The following PPP3CC variants were observed in gnomAD, a reference collection of about 807,000 sequenced individuals.
The protein encoded by PPP3CC is protein phosphatase 3 catalytic subunit gamma.
Under a neutral mutation model 60.3 loss-of-function variants are expected in PPP3CC, and 35 were observed. The ratio of observed to expected loss-of-function variants is 0.58; its 90% CI spans 0.44 to 0.77. PPP3CC has a LOEUF of 0.77. Among genes scored for constraint, PPP3CC ranks in the 30% least tolerant of loss-of-function variants. The pLI is 0.00. For missense variants in PPP3CC, 570 were observed against 628.9 expected, an observed-to-expected ratio of 0.91 and a Z score of 1.00; for synonymous variants, 206 against 224.3, an observed-to-expected ratio of 0.92 and a Z score of 0.73.
intron 1 of PPP3CC, among the ~76,000 whole-genome samples, chr8:22,442,495 T>TAAC (rs1836701824): frequency 1.3e-5 from 2 of 152,156 alleles, no homozygotes; most frequent in Non-Finnish European, 2.9e-5. Flanking sequence ...GGGGAAGAAT[T>TAAC]TTAGTGTATA....
intron 12 of PPP3CC, among the ~76,000 whole-genome samples, chr8:22,538,169 A>G (rs73672738): frequency 2.3e-4 from 35 of 152,346 alleles, no homozygotes; most frequent in African/African-American, 7.9e-4. Flanking sequence ...CCCAATGTGA[A>G]TAGCAATTCT....
chr8:22,444,736 A>C (rs1423488810), intron 1 of PPP3CC, among the ~76,000 whole-genome samples: 1 of 152,208 alleles, frequency 6.6e-6, no homozygotes, highest in East Asian at 1.9e-4. Context: ...CTTTGCTTTA[A>C]AAGTAGCATT....
At chr8:22,510,996 T>C in intron 4 of PPP3CC, 90 bp from the exon 5 acceptor site, 22 of 1,358,204 alleles carry the variant, frequency 1.6e-5, no homozygotes, top group Non-Finnish European at 2.2e-5. Flanking sequence ...TAAATGGCTC[T>C]AAAGTAGCTT....
chr8:22,482,516 A>G (rs1306993200), intron 3 of PPP3CC, among the ~76,000 whole-genome samples: 2 of 152,166 alleles, frequency 1.3e-5, no homozygotes, highest in Admixed American at 6.5e-5. Context: ...GTTCTTTTGC[A>G]GTGCAGAAGC....
In PPP3CC at chr8:22,484,685, C is replaced by T. The variant is rs1481142272; in HGVS notation, c.372+9061C>T. ...ATTTTATTGGTCTCAATTCTTTATCCTTGAAGATAAAAGTGTTGCCATTCC... is the reference window on the plus strand; with the variant it reads ...ATTTTATTGGTCTCAATTCTTTATCTTTGAAGATAAAAGTGTTGCCATTCC... On this transcript the variant is annotated intron_variant, in intron 3 of 13. Coordinates refer to ENST00000240139, the MANE Select transcript of PPP3CC (RefSeq NM_005605.5). Among the ~76,000 whole-genome samples the T allele has an allele frequency of 2.0e-5, 3 of 152,128 alleles. No individual in the cohort carries two copies. The East Asian group carries it at 5.8e-4, about 29-fold the overall frequency.
At chr8:22,490,443 T>G (rs1310606093) in intron 3 of PPP3CC, among the ~76,000 whole-genome samples, 1 of 146,342 alleles carries the variant, frequency 6.8e-6, no homozygotes, top group African/African-American at 2.6e-5. Context: ...ACTTACCACT[T>G]TTTTTATATT....
At chr8:22,470,490 A>G (rs1404137370) in intron 1 of PPP3CC, among the ~76,000 whole-genome samples, 1 of 152,198 alleles carries the variant, frequency 6.6e-6, no homozygotes, top group East Asian at 1.9e-4. Flanking sequence ...ATAAATAAAG[A>G]TCATTAAGAA....
At chr8:22,503,695 T>C (rs1025105584) in intron 4 of PPP3CC, among the ~76,000 whole-genome samples, 3 of 152,192 alleles carry the variant, frequency 2.0e-5, no homozygotes, top group African/African-American at 7.2e-5. Context: ...AAGTATCTCC[T>C]TTTGCCCAGA....
At position 22,441,292 on chromosome 8, in the gene PPP3CC, G is replaced by GCCGGGCACGGCTGGCTGACGGCT. The variant is rs1255536125; in HGVS notation, c.-110_-88dup. 19 of 1,004,786 alleles carry GCCGGGCACGGCTGGCTGACGGCT rather than the reference G, an allele frequency of 1.9e-5. No individual in the cohort carries two copies. The highest frequency in any genetic ancestry group is 2.5e-5 in the Non-Finnish European group (18 of 726,926). The allele number at this position is 1,004,786 out of a possible 1,614,324, so 62.2% of individuals were successfully genotyped here. On this transcript the variant is annotated 5_prime_UTR_variant, in exon 1 of 14. Coordinates refer to ENST00000240139, the MANE Select transcript of PPP3CC (RefSeq NM_005605.5). Reference sequence around the variant, plus strand: ...GCTCGGACACCGCTGAGGAGCCGGGGCCGGGCACGGCTGGCTGACGGCTCC... The same window carrying GCCGGGCACGGCTGGCTGACGGCT: ...GCTCGGACACCGCTGAGGAGCCGGGGCCGGGCACGGCTGGCTGACGGCTCCGGGCACGGCTGGCTGACGGCTCC...
chr8:22,454,509 G>A (rs922294528), intron 1 of PPP3CC, among the ~76,000 whole-genome samples: 6 of 152,140 alleles, frequency 3.9e-5, no homozygotes, highest in Non-Finnish European at 7.3e-5. Context: ...TTAAAAGGGT[G>A]GTATAGTGAA....
Position 22,454,520 on chromosome 8 carries a change from T to C in PPP3CC, c.49+13062T>C, listed in dbSNP as rs77569267. 9.1e-3 allele frequency among the ~76,000 whole-genome samples: 1,385 copies of C among 152,304 alleles called. 18 individuals are homozygous for C. Among genetic ancestry groups the C allele is most frequent in the African/African-American group, 0.029 (1,220 of 41,546 alleles). On this transcript the variant is annotated intron_variant, in intron 1 of 13. Coordinates refer to ENST00000240139, the MANE Select transcript of PPP3CC (RefSeq NM_005605.5). ...ATGATTAAAAGGGTGGTATAGTGAA[T>C]GTATAAGCCAGTAACATATTTGTTA...
chr8:22,443,275 C>T (rs1180753713), intron 1 of PPP3CC, among the ~76,000 whole-genome samples: 2 of 152,092 alleles, frequency 1.3e-5, no homozygotes, highest in Non-Finnish European at 2.9e-5. Context: ...GTAACCCCAG[C>T]ACTTTGGAAG....
intron 1 of PPP3CC, among the ~76,000 whole-genome samples, chr8:22,452,351 C>T (rs1427042268): frequency 1.3e-5 from 2 of 152,056 alleles, no homozygotes; most frequent in Non-Finnish European, 1.5e-5. Flanking sequence ...GAATCTTGTC[C>T]CTCAGCTTGA....
At chr8:22,471,459 C>T (rs1837718881) in intron 1 of PPP3CC, among the ~76,000 whole-genome samples, 1 of 152,028 alleles carries the variant, frequency 6.6e-6, no homozygotes. Flanking sequence ...GGTGTAACTG[C>T]TATACACCTA....
intron 3 of PPP3CC, among the ~76,000 whole-genome samples, chr8:22,477,970 C>A (rs1048886604): frequency 7.9e-5 from 12 of 152,214 alleles, no homozygotes; most frequent in Non-Finnish European, 1.8e-4. Context: ...TCTGCCTCAG[C>A]CTCCCAAGTA....
chr8:22,483,695 A>G (rs1261456976), intron 3 of PPP3CC, among the ~76,000 whole-genome samples: 1 of 152,194 alleles, frequency 6.6e-6, no homozygotes, highest in Non-Finnish European at 1.5e-5. Flanking sequence ...CATTAATGAC[A>G]TGCTTGGACT....
Position 22,540,903 on chromosome 8 carries a change from G to A in PPP3CC, c.*101G>A. 2.8e-6 allele frequency: 3 copies of A among 1,059,894 alleles called. No individual in the cohort carries two copies. Among genetic ancestry groups the A allele is most frequent in the Non-Finnish European group, 3.8e-6 (3 of 787,342 alleles). The allele number at this position is 1,059,894 out of a possible 1,614,324, so 65.7% of individuals were successfully genotyped here. ...AAGCAACTCAAAACAACTTCAACGT[G>A]GAGGTGCATTTATAATTCAGTCTGC... On this transcript the variant is annotated 3_prime_UTR_variant, in exon 14 of 14. Transcript: ENST00000240139.
chr8:22,518,349 G>C (rs76091028), intron 6 of PPP3CC, among the ~76,000 whole-genome samples: 3,714 of 152,194 alleles, frequency 0.024, 85 homozygotes, highest in Non-Finnish European at 0.031. Context: ...TGACACAATA[G>C]TTGTTCAAAA....
At chr8:22,519,359 TTAAAG>T (rs1839342075) in intron 6 of PPP3CC, among the ~76,000 whole-genome samples, 5 of 152,338 alleles carry the variant, frequency 3.3e-5, no homozygotes, top group Admixed American at 2.6e-4. Flanking sequence ...GATTTGAGAG[TTAAAG>T]TAATGATTGA....
Sources: gnomAD v4.1 joint callset for allele counts (sites outside exome capture counted in the v4.1 genomes callset) on GRCh38, gnomAD v4.1.1 for gene constraint, MANE v1.5 for transcripts, NCBI Gene and HGNC (gene_info 2026-07-23, HGNC 2026-07-21) for gene names.